ADGRA3: variants seen among roughly 807,000 people sequenced by gnomAD.
The protein encoded by ADGRA3 is adhesion G protein-coupled receptor A3, also known as G-protein coupled receptor 125.
A neutral mutation model predicts 119.8 loss-of-function variants in ADGRA3; 56 were observed. That is an observed-to-expected ratio of 0.47 (90% confidence interval 0.38 to 0.58). The LOEUF is 0.58. ADGRA3 is among the 20% of genes least tolerant of loss of function. The pLI, the probability that ADGRA3 is intolerant of heterozygous loss-of-function variation, is 0.00. For missense variants in ADGRA3, 1,516 were observed against 1,649.0 expected, an observed-to-expected ratio of 0.92 and a Z score of 1.40; for synonymous variants, 607 against 623.8, an observed-to-expected ratio of 0.97 and a Z score of 0.40.
intron 10 of ADGRA3, among the ~76,000 whole-genome samples, chr4:22,429,273 A>G (rs982151699): frequency 1.3e-5 from 2 of 152,350 alleles, no homozygotes; most frequent in African/African-American, 4.8e-5. Context: ...CTTTTCTAGA[A>G]GTACAGAGGA....
intron 10 of ADGRA3, among the ~76,000 whole-genome samples, chr4:22,433,134 T>A (rs532900580): frequency 6.6e-6 from 1 of 152,304 alleles, no homozygotes; most frequent in African/African-American, 2.4e-5. Flanking sequence ...ATCTCAATTA[T>A]TCAATCCTGA....
Position 22,420,991 on chromosome 4 carries a change from A to G in ADGRA3, c.1704T>C (p.Arg568=). 6.2e-7 allele frequency: 1 copy of G among 1,614,094 alleles called. No homozygotes were observed. Among genetic ancestry groups the G allele is most frequent in the Non-Finnish European group, 8.5e-7 (1 of 1,179,984 alleles). ...TVFQKVAASD[R]TGLSDYGRRD... The stretch of plus-strand genomic sequence containing the variant: ...GCCTCCCATAATCCGAAAGTCCTGT[A>G]CGATCAGAGGCTGCCACTTTCTGGA... Residue 568 remains arginine (R), a synonymous_variant, in exon 12 of 19, where the codon CGT becomes CGC. Coordinates refer to ENST00000334304, the MANE Select transcript of ADGRA3 (RefSeq NM_145290.4).
chr4:22,446,549 A>G (rs1307072297), intron 5 of ADGRA3, among the ~76,000 whole-genome samples: 1 of 152,152 alleles, frequency 6.6e-6, no homozygotes, highest in African/African-American at 2.4e-5. Context: ...TGACTCCAGA[A>G]GTACACACAC....
chr4:22,461,729 AC>A lies in ADGRA3; in HGVS notation c.401+7del. ...TCAAACTCGTAAGCAAGCAATTCAA[AC>A]ACTTACAATCTTTTTAGAGATGACA... On this transcript the variant is annotated splice_region_variant and intron_variant, in intron 3 of 18. Coordinates refer to ENST00000334304, the MANE Select transcript of ADGRA3 (RefSeq NM_145290.4). The A allele has an allele frequency of 6.3e-7, 1 of 1,585,020 alleles. No homozygotes were observed. Among genetic ancestry groups the A allele is most frequent in the Non-Finnish European group, 8.6e-7 (1 of 1,158,336 alleles).
chr4:22,469,991 A>G (rs1717799015), intron 2 of ADGRA3, among the ~76,000 whole-genome samples: 1 of 152,102 alleles, frequency 6.6e-6, no homozygotes, highest in African/African-American at 2.4e-5. Flanking sequence ...TCTCCCCATT[A>G]CTGCATATGT....
intron 9 of ADGRA3, among the ~76,000 whole-genome samples, chr4:22,436,221 G>A (rs1000034757): frequency 2.6e-5 from 4 of 151,910 alleles, no homozygotes; most frequent in Admixed American, 6.6e-5. Flanking sequence ...TCAAACAAAG[G>A]CACAAAGGGA....
Position 22,392,652 on chromosome 4 carries a change from T to C in ADGRA3, c.2520A>G (p.Val840=), listed in dbSNP as rs1714183159. ...TTCGAGCTGTCACTCCTACCCATAGTACTGTGGCAAGGGTGGAATAGTGAA... is the reference window on the plus strand; with the variant it reads ...TTCGAGCTGTCACTCCTACCCATAGCACTGTGGCAAGGGTGGAATAGTGAA... The part of the protein sequence containing the change: ...IILHYSTLAT[V]LWVGVTARNI... The change falls in exon 17 of 19, where the codon GTA becomes GTG. Residue 840 remains valine (V), a synonymous_variant. Transcript: ENST00000334304. 6.2e-7 allele frequency: 1 copy of C among 1,613,896 alleles called. No homozygotes were observed. The highest frequency in any genetic ancestry group is 1.1e-5 in the South Asian group (1 of 91,064).
intron 10 of ADGRA3, among the ~76,000 whole-genome samples, chr4:22,434,610 T>C (rs919852993): frequency 2.2e-4 from 33 of 152,198 alleles, no homozygotes; most frequent in Non-Finnish European, 3.7e-4. Flanking sequence ...ATTGTACATA[T>C]AAAGTTCTCA....
At chr4:22,497,660 A>C (rs993002378) in intron 1 of ADGRA3, among the ~76,000 whole-genome samples, 2 of 151,460 alleles carry the variant, frequency 1.3e-5, no homozygotes, top group African/African-American at 4.9e-5. Context: ...TGTCTCTACT[A>C]AAATCCAAAA....
chr4:22,440,340 T>C (rs755092209), intron 7 of ADGRA3, among the ~76,000 whole-genome samples: 12 of 152,154 alleles, frequency 7.9e-5, no homozygotes, highest in Non-Finnish European at 1.8e-4. Context: ...AAGAAAGAAG[T>C]AGCTTCAATT....
intron 9 of ADGRA3, 22 bp from the exon 10 acceptor site, chr4:22,435,488 G>A (rs1392522718): frequency 3.2e-6 from 5 of 1,566,806 alleles, no homozygotes; most frequent in Non-Finnish European, 4.4e-6. Context: ...AGGCAAAAAT[G>A]ATCAACAAAA....
Position 22,388,666 on chromosome 4 carries a change from G to A in ADGRA3, c.3005C>T (p.Thr1002Ile). 1 of 1,614,052 alleles carries A rather than the reference G, an allele frequency of 6.2e-7. No individual in the cohort carries two copies. The highest frequency in any genetic ancestry group is 8.5e-7 in the Non-Finnish European group (1 of 1,179,996). The stretch of plus-strand genomic sequence containing the variant: ...CCACAGTGCAACATATAAGAGCAAA[G>A]TAAGGCTGGCCCCCAAGAGCTGAGA... ...FHSQLLGASL[T>I]LLLYVALWMF... Residue 1002 changes from threonine to isoleucine, a missense_variant, in exon 19 of 19, where the codon ACT becomes ATT. Thr to Ile is a moderately conservative substitution (Grantham distance 89, BLOSUM62 -1). This residue lies in a region of ADGRA3 where 1,088 missense variants were observed against 1,107.1 expected (regional missense o/e 0.98). Coordinates refer to ENST00000334304, the MANE Select transcript of ADGRA3 (RefSeq NM_145290.4).
chr4:22,427,991 A>G (rs1474104254), intron 10 of ADGRA3, among the ~76,000 whole-genome samples: 1 of 152,238 alleles, frequency 6.6e-6, no homozygotes, highest in African/African-American at 2.4e-5. Flanking sequence ...AAAGTGCTCA[A>G]TGTCAAATGT....
intron 4 of ADGRA3, among the ~76,000 whole-genome samples, chr4:22,454,018 G>A (rs554706118): frequency 2.0e-5 from 3 of 151,980 alleles, no homozygotes; most frequent in African/African-American, 2.4e-5. Flanking sequence ...GTGCCACCAC[G>A]CCCAGCTAAT....
intron 1 of ADGRA3, among the ~76,000 whole-genome samples, chr4:22,486,126 G>A (rs774598275): frequency 1.3e-5 from 2 of 152,044 alleles, no homozygotes; most frequent in African/African-American, 4.8e-5. Flanking sequence ...ATTCCACAAC[G>A]TCCTCAATGC....
chr4:22,488,485 G>GA (rs1718513231), intron 1 of ADGRA3, among the ~76,000 whole-genome samples: 1 of 152,158 alleles, frequency 6.6e-6, no homozygotes, highest in African/African-American at 2.4e-5. Flanking sequence ...GGCTTCAGGG[G>GA]GCTGGGACCA....
intron 16 of ADGRA3, among the ~76,000 whole-genome samples, chr4:22,397,209 G>A (rs1221057313): frequency 7.9e-6 from 1 of 125,908 alleles, no homozygotes; most frequent in East Asian, 2.4e-4. Context: ...TTGAGATGGA[G>A]TCTCGCTCTG....
At chr4:22,417,777 GC>G in intron 12 of ADGRA3, among the ~76,000 whole-genome samples, 1 of 152,220 alleles carries the variant, frequency 6.6e-6, no homozygotes, top group South Asian at 2.1e-4. Flanking sequence ...GAATCCAAAG[GC>G]AGTTTTAAAG....
At chr4:22,436,082 T>C (rs911626585) in intron 9 of ADGRA3, among the ~76,000 whole-genome samples, 3 of 152,088 alleles carry the variant, frequency 2.0e-5, no homozygotes, top group African/African-American at 7.2e-5. Context: ...AGCACATGAG[T>C]AGTTCAAGTA....
Sources: gnomAD v4.1 joint callset for allele counts (sites outside exome capture counted in the v4.1 genomes callset) on GRCh38, gnomAD v4.1.1 for gene constraint, gnomAD v4.1.1 regional missense constraint, MANE v1.5 for transcripts, NCBI Gene and HGNC (gene_info 2026-07-23, HGNC 2026-07-21) for gene names.